Variants in PPP2R2B observed in about 807,000 individuals in gnomAD.
PPP2R2B encodes the protein serine/threonine-protein phosphatase 2A 55 kDa regulatory subunit B beta isoform.
In PPP2R2B, 5 loss-of-function variants were observed where a neutral mutation model predicts 46.0. That is an observed-to-expected ratio of 0.11 (90% CI 0.06 to 0.23). The LOEUF (loss-of-function observed/expected upper bound fraction) is 0.23, where lower values mean the gene tolerates loss of function less well. Among genes scored for constraint, PPP2R2B ranks in the 10% least tolerant of loss-of-function variants. The pLI, the probability that PPP2R2B is intolerant of heterozygous loss-of-function variation, is 1.00. For synonymous variants in PPP2R2B, 215 were observed against 206.7 expected, an observed-to-expected ratio of 1.04 and a Z score of -0.34; for missense variants, 367 against 575.0, an observed-to-expected ratio of 0.64 and a Z score of 3.70.
chr5:146,904,580 T>C (rs750581228), intron 1 of PPP2R2B, among the ~76,000 whole-genome samples: 1 of 152,216 alleles, frequency 6.6e-6, no homozygotes, highest in Non-Finnish European at 1.5e-5. Context: ...AGAAACCTCA[T>C]GTCTAACCAA....
rs1237640272 is a variant in PPP2R2B, at chr5:146,940,327, C to A, written c.79+115338G>T. ...CCAGGATAGTTGATTCAAATGTGAA[C>A]ATCTATTCCAAATCCAACAGAGAAC... On this transcript the variant is annotated intron_variant, in intron 1 of 8. Coordinates refer to the PPP2R2B transcript ENST00000336640. 4.6e-5 allele frequency among the ~76,000 whole-genome samples: 7 copies of A among 152,102 alleles called. No individual in the cohort carries two copies. In the South Asian group the frequency reaches 1.0e-3, roughly 22 times the overall value.
At chr5:146,923,656 T>C (rs1011623980) in intron 1 of PPP2R2B, among the ~76,000 whole-genome samples, 1 of 152,188 alleles carries the variant, frequency 6.6e-6, no homozygotes, top group Non-Finnish European at 1.5e-5. Context: ...TTGAAGACAG[T>C]GTGGCAATTC....
intron 6 of PPP2R2B, among the ~76,000 whole-genome samples, chr5:146,641,497 T>C (rs1775207104): frequency 8.6e-6 from 1 of 116,068 alleles, no homozygotes. Flanking sequence ...TTTTATGTGC[T>C]CTAAGATTTT....
chr5:146,884,408 G>A (rs1762260413), intron 1 of PPP2R2B, among the ~76,000 whole-genome samples: 1 of 152,068 alleles, frequency 6.6e-6, no homozygotes, highest in Admixed American at 6.5e-5. Flanking sequence ...GTAGACTTGT[G>A]AGTAATTGCT....
intron 1 of PPP2R2B, among the ~76,000 whole-genome samples, chr5:146,955,706 G>T (rs1751860561): frequency 1.3e-5 from 2 of 151,542 alleles, no homozygotes; most frequent in Non-Finnish European, 2.9e-5. Context: ...CATGGAAGAG[G>T]TTACAGATTC....
In PPP2R2B at chr5:146,997,463, G is replaced by A. The variant is rs184238371; in HGVS notation, c.79+58202C>T. Among the ~76,000 whole-genome samples the A allele has an allele frequency of 4.9e-3, 743 of 152,268 alleles. 5 individuals are homozygous for A. The highest frequency in any genetic ancestry group is 0.017 in the African/African-American group (697 of 41,558). The stretch of plus-strand genomic sequence containing the variant: ...AGCAAGCACAGCACCCATGGACATG[G>A]CCTTTCAGCTGTGCCTTACACATCC... On this transcript the variant is annotated intron_variant, in intron 1 of 8. Coordinates refer to the PPP2R2B transcript ENST00000336640.
intron 1 of PPP2R2B, among the ~76,000 whole-genome samples, chr5:146,900,546 C>CCTTCCTTT (rs1338703227): frequency 9.7e-6 from 1 of 103,072 alleles, no homozygotes; most frequent in African/African-American, 4.3e-5. Context: ...CTTTCTTTTT[C>CCTTCCTTT]CTTCCTTTCT....
intron 2 of PPP2R2B, among the ~76,000 whole-genome samples, chr5:146,834,685 T>C (rs904168543): frequency 6.6e-6 from 1 of 152,202 alleles, no homozygotes; most frequent in Non-Finnish European, 1.5e-5. Context: ...TGCAGGTTTG[T>C]TACATGAGTA....
chr5:146,823,448 C>T (rs868109840), intron 2 of PPP2R2B, among the ~76,000 whole-genome samples: 1 of 152,006 alleles, frequency 6.6e-6, no homozygotes, highest in Admixed American at 6.6e-5. Context: ...CTGCCCTCCT[C>T]GGCCTCTCAA....
chr5:146,720,798 A>C (rs764563747), intron 2 of PPP2R2B, among the ~76,000 whole-genome samples: 1 of 152,210 alleles, frequency 6.6e-6, no homozygotes, highest in Non-Finnish European at 1.5e-5. Flanking sequence ...TCCTGAACTC[A>C]GGTAACTTAT....
At chr5:147,008,740 T>C (rs531565140) in intron 1 of PPP2R2B, among the ~76,000 whole-genome samples, 1 of 152,256 alleles carries the variant, frequency 6.6e-6, no homozygotes, top group South Asian at 2.1e-4. Context: ...CCTCAGATGT[T>C]TGAGGGTTTC....
Position 146,827,824 on chromosome 5 carries a change from G to A in PPP2R2B, c.70+50178C>T, listed in dbSNP as rs73793295. Reference sequence around the variant, plus strand: ...ATTTAATAAATCCTTTAATTCTGTCGGTAAATACTGGGAAGGAAAGGGGAT... The same window carrying A: ...ATTTAATAAATCCTTTAATTCTGTCAGTAAATACTGGGAAGGAAAGGGGAT... On this transcript the variant is annotated intron_variant, in intron 2 of 9. Coordinates refer to ENST00000394411, the MANE Select transcript of PPP2R2B (RefSeq NM_181675.4). Among the ~76,000 whole-genome samples the A allele has an allele frequency of 4.0e-3, 613 of 152,144 alleles. 1 individual carries two copies. The highest frequency in any genetic ancestry group is 0.014 in the African/African-American group (583 of 41,494).
At chr5:146,863,710 C>T (rs758808210) in intron 2 of PPP2R2B, among the ~76,000 whole-genome samples, 2 of 151,698 alleles carry the variant, frequency 1.3e-5, no homozygotes, top group African/African-American at 2.4e-5. Context: ...GCTTATCCTG[C>T]GTATAATTTT....
chr5:147,077,106 T>C (rs1159473583), intron 2 of PPP2R2B, among the ~76,000 whole-genome samples: 2 of 147,880 alleles, frequency 1.4e-5, no homozygotes, highest in African/African-American at 2.5e-5. Context: ...GTATAATATA[T>C]AATATGTAAT....
intron 1 of PPP2R2B, among the ~76,000 whole-genome samples, chr5:147,029,025 G>A (rs1755655463): frequency 1.3e-5 from 2 of 152,066 alleles, no homozygotes; most frequent in African/African-American, 4.8e-5. Flanking sequence ...CTTATTTGTA[G>A]TTCCTTATAA....
chr5:146,694,021 A>G (rs946247718), intron 4 of PPP2R2B, among the ~76,000 whole-genome samples: 1 of 152,028 alleles, frequency 6.6e-6, no homozygotes, highest in South Asian at 2.1e-4. Flanking sequence ...CCCACTTCTC[A>G]TGCCTTTGGG....
At chr5:146,706,247 C>G in intron 2 of PPP2R2B, 1 of 474,862 alleles carries the variant, frequency 2.1e-6, no homozygotes, top group Non-Finnish European at 3.9e-6. Context: ...CTTCCCATCT[C>G]GGGTCTTGAT....
chr5:147,019,891 T>C (rs897437502), intron 1 of PPP2R2B, among the ~76,000 whole-genome samples: 1 of 152,168 alleles, frequency 6.6e-6, no homozygotes, highest in African/African-American at 2.4e-5. Context: ...ACCGCTCAGA[T>C]CTCGTTTCAA....
At chr5:146,905,978 A>C (rs1238979293) in intron 1 of PPP2R2B, among the ~76,000 whole-genome samples, 2 of 152,162 alleles carry the variant, frequency 1.3e-5, no homozygotes, top group African/African-American at 4.8e-5. Flanking sequence ...AATTAAATAA[A>C]ATTTAAATGG....
Sources: gnomAD v4.1 joint callset for allele counts (sites outside exome capture counted in the v4.1 genomes callset) on GRCh38, gnomAD v4.1.1 for gene constraint, MANE v1.5 for transcripts, NCBI Gene and HGNC (gene_info 2026-07-23, HGNC 2026-07-21) for gene names.